Variants in SGCZ observed in about 807,000 individuals in gnomAD.
SGCZ encodes sarcoglycan zeta.
In SGCZ, 40 loss-of-function variants were observed where a neutral mutation model predicts 41.3. The observed-to-expected ratio is 0.97, with a 90% CI of 0.75 to 1.26. The LOEUF is 1.26. Among genes scored for constraint, SGCZ ranks in the 50% most tolerant of loss-of-function variants. The probability of loss-of-function intolerance (pLI) is 0.00; values close to 1 mark genes in which losing one functional copy is unlikely to be tolerated. For missense variants in SGCZ, 552 were observed against 369.8 expected (o/e 1.49, Z -4.04); for synonymous variants, 206 against 137.5 (o/e 1.50, Z -3.49).
chr8:14,822,073 TAC>T (rs57337707), intron 1 of SGCZ, among the ~76,000 whole-genome samples: 23,025 of 141,156 alleles, frequency 0.16, 2,020 homozygotes, highest in Middle Eastern at 0.24. Context: ...CCCTAAAGAT[TAC>T]ACACACACAC....
In SGCZ at chr8:14,424,681, C is replaced by G. The variant is rs554008229; in HGVS notation, c.235-100477G>C. Among the ~76,000 whole-genome samples, 27 of 152,230 alleles carry G rather than the reference C, an allele frequency of 1.8e-4. No homozygotes were observed. In the South Asian group the frequency reaches 4.1e-3, roughly 23 times the overall value. On this transcript the variant is annotated intron_variant, in intron 2 of 7. Transcript: ENST00000382080. ...CCGTTATTTTCATATATCATTTAAC[C>G]AATCATCTGTTAATGAATATCTGAA...
At chr8:15,066,338 G>T (rs1805147689) in intron 1 of SGCZ, among the ~76,000 whole-genome samples, 1 of 148,484 alleles carries the variant, frequency 6.7e-6, no homozygotes, top group South Asian at 2.1e-4. Context: ...AAAAAAAGAA[G>T]TCCACCTTAC....
chr8:14,285,189 C>G (rs10503491), intron 3 of SGCZ, among the ~76,000 whole-genome samples: 2 of 151,908 alleles, frequency 1.3e-5, no homozygotes, highest in Non-Finnish European at 2.9e-5. Flanking sequence ...TCTAATAAAT[C>G]TCCAGCTGTT....
chr8:15,127,033 A>G (rs941515355), intron 1 of SGCZ, among the ~76,000 whole-genome samples: 4 of 152,302 alleles, frequency 2.6e-5, no homozygotes, highest in Admixed American at 6.5e-5. Flanking sequence ...AGTTTTAGAA[A>G]TTGGCTGGAA....
At chr8:15,067,252 C>T (rs1028565972) in intron 1 of SGCZ, among the ~76,000 whole-genome samples, 1 of 152,130 alleles carries the variant, frequency 6.6e-6, no homozygotes, top group Admixed American at 6.5e-5. Context: ...GCACACTACA[C>T]CCACCCTGCA....
At chr8:14,243,978 G>C (rs1007457307) in intron 3 of SGCZ, among the ~76,000 whole-genome samples, 4 of 152,106 alleles carry the variant, frequency 2.6e-5, no homozygotes, top group Non-Finnish European at 5.9e-5. Context: ...ACTTTTAAAA[G>C]TATAGTTTGT....
intron 3 of SGCZ, among the ~76,000 whole-genome samples, chr8:14,252,241 G>C (rs1363759004): frequency 2.0e-5 from 3 of 151,834 alleles, no homozygotes; most frequent in Admixed American, 2.0e-4. Flanking sequence ...GCAGTTCTTA[G>C]CTATGTTACT....
At chr8:14,448,011 A>G (rs552570120) in intron 2 of SGCZ, among the ~76,000 whole-genome samples, 2 of 152,272 alleles carry the variant, frequency 1.3e-5, no homozygotes, top group South Asian at 4.1e-4. Flanking sequence ...CTGAAGTTAA[A>G]ATAGTCTGAA....
intron 1 of SGCZ, among the ~76,000 whole-genome samples, chr8:14,800,602 G>T (rs1773596457): frequency 1.3e-5 from 2 of 152,102 alleles, no homozygotes; most frequent in Non-Finnish European, 2.9e-5. Context: ...GTTCCCAGGA[G>T]ATCTGGTTCT....
chr8:14,759,588 A>C (rs908058091), intron 1 of SGCZ, among the ~76,000 whole-genome samples: 6 of 152,170 alleles, frequency 3.9e-5, no homozygotes, highest in Non-Finnish European at 1.5e-5. Context: ...TACGCTATTA[A>C]GATTCATAGA....
chr8:14,968,024 T>C (rs1801176233), intron 1 of SGCZ, among the ~76,000 whole-genome samples: 1 of 152,204 alleles, frequency 6.6e-6, no homozygotes, highest in East Asian at 1.9e-4. Context: ...GTACAAAATT[T>C]AATCCAACTA....
chr8:14,907,535 T>C (rs1194318253), intron 1 of SGCZ, among the ~76,000 whole-genome samples: 1 of 152,070 alleles, frequency 6.6e-6, no homozygotes, highest in African/African-American at 2.4e-5. Flanking sequence ...AGGAGCTAAA[T>C]GCCTCCAATA....
intron 1 of SGCZ, among the ~76,000 whole-genome samples, chr8:15,086,642 T>A (rs1233315465): frequency 2.1e-5 from 3 of 139,848 alleles, no homozygotes; most frequent in Non-Finnish European, 3.1e-5. Flanking sequence ...TTACTATTTG[T>A]CAATTTAAAA....
intron 1 of SGCZ, among the ~76,000 whole-genome samples, chr8:14,557,936 A>C (rs1316268230): frequency 6.6e-6 from 1 of 152,158 alleles, no homozygotes; most frequent in Non-Finnish European, 1.5e-5. Context: ...TAACCAAGAA[A>C]AGAATAGCGA....
At chr8:14,840,571 G>A (rs1032924571) in intron 1 of SGCZ, among the ~76,000 whole-genome samples, 9 of 152,040 alleles carry the variant, frequency 5.9e-5, no homozygotes, top group Non-Finnish European at 1.0e-4. Context: ...AATGGAGGGG[G>A]AAATCAGAAT....
At chr8:14,133,095 C>G (rs1247580940) in intron 5 of SGCZ, among the ~76,000 whole-genome samples, 2 of 152,150 alleles carry the variant, frequency 1.3e-5, no homozygotes. Flanking sequence ...TTGGGGCACT[C>G]TTTCAACACT....
intron 3 of SGCZ, among the ~76,000 whole-genome samples, chr8:14,241,997 C>A (rs1269335546): frequency 6.6e-6 from 1 of 152,170 alleles, no homozygotes; most frequent in Non-Finnish European, 1.5e-5. Context: ...CAGCACTCTG[C>A]TAACCACTGG....
intron 1 of SGCZ, among the ~76,000 whole-genome samples, chr8:15,036,890 C>T (rs1319343312): frequency 6.6e-6 from 1 of 152,094 alleles, no homozygotes; most frequent in East Asian, 1.9e-4. Flanking sequence ...AAATATCATT[C>T]ACTATGATCA....
chr8:15,197,415 A>G (rs1190647940), intron 1 of SGCZ, among the ~76,000 whole-genome samples: 4 of 152,274 alleles, frequency 2.6e-5, no homozygotes, highest in Admixed American at 1.3e-4. Flanking sequence ...AAAAATATCA[A>G]AGAGTTTACA....
Sources: allele counts gnomAD v4.1 joint callset (sites outside exome capture counted in the v4.1 genomes callset), GRCh38; gene constraint gnomAD v4.1.1; transcripts MANE v1.5; gene names NCBI Gene and HGNC (gene_info 2026-07-23, HGNC 2026-07-21).